Variants in ADAMTS20 observed in about 807,000 individuals in gnomAD.
ADAMTS20 encodes A disintegrin and metalloproteinase with thrombospondin motifs 20.
Under a neutral mutation model 260.1 loss-of-function variants are expected in ADAMTS20, and 225 were observed. The ratio of observed to expected loss-of-function variants is 0.87; its 90% CI spans 0.78 to 0.97. ADAMTS20 has a LOEUF of 0.97. ADAMTS20 is among the 50% of genes least tolerant of loss of function. ADAMTS20 has a pLI of 0.00. For synonymous variants in ADAMTS20, 802 were observed against 769.5 expected (o/e 1.04, Z -0.70); for missense variants, 2,400 against 2,337.7 (o/e 1.03, Z -0.55).
At chr12:43,359,778 GTTTTTGAC>G (rs2137183149) in intron 37 of ADAMTS20, among the ~76,000 whole-genome samples, 1 of 152,302 alleles carries the variant, frequency 6.6e-6, no homozygotes, top group South Asian at 2.1e-4. Flanking sequence ...CTGTCTATAT[GTTTTTGAC>G]TCAGACAAAA....
At chr12:43,501,481 G>GCGCGCGCGCGCACACACACA (rs373746834) in intron 4 of ADAMTS20, among the ~76,000 whole-genome samples, 1 of 117,810 alleles carries the variant, frequency 8.5e-6, no homozygotes, top group South Asian at 3.1e-4. Context: ...GCGCGCGCGC[G>GCGCGCGCGCGCACACACACA]CACACACACA....
chr12:43,404,416 G>T (rs753783499), intron 28 of ADAMTS20, among the ~76,000 whole-genome samples: 1 of 151,986 alleles, frequency 6.6e-6, no homozygotes, highest in Non-Finnish European at 1.5e-5. Flanking sequence ...CATTTCCAAC[G>T]TAATAGATAT....
chr12:43,533,272 T>C (rs1379616528), intron 2 of ADAMTS20, among the ~76,000 whole-genome samples: 18 of 148,478 alleles, frequency 1.2e-4, no homozygotes, highest in Non-Finnish European at 2.5e-4. Context: ...TGATATCTCA[T>C]AGTGGTTTTG....
chr12:43,361,370 G>C (rs1015586260), intron 37 of ADAMTS20, among the ~76,000 whole-genome samples: 1 of 152,212 alleles, frequency 6.6e-6, no homozygotes, highest in African/African-American at 2.4e-5. Flanking sequence ...GCCTCAAGGA[G>C]ACAAATACAG....
intron 11 of ADAMTS20, among the ~76,000 whole-genome samples, 188 bp from the exon 12 acceptor site, chr12:43,454,240 A>C (rs1941924549): frequency 1.3e-5 from 2 of 152,216 alleles, no homozygotes; most frequent in Admixed American, 1.3e-4. Flanking sequence ...TGTGGAATAG[A>C]AAAGGAGTGT....
chr12:43,478,803 GA>G (rs570803077), intron 7 of ADAMTS20, among the ~76,000 whole-genome samples: 314 of 152,240 alleles, frequency 2.1e-3, no homozygotes, highest in Non-Finnish European at 3.8e-3. Flanking sequence ...GTTAAATCAG[GA>G]AAAAACTGAA....
intron 28 of ADAMTS20, among the ~76,000 whole-genome samples, chr12:43,425,039 A>G (rs1209737077): frequency 6.6e-6 from 1 of 152,218 alleles, no homozygotes; most frequent in Non-Finnish European, 1.5e-5. Context: ...GAATAAGAAT[A>G]TTATCATACC....
intron 23 of ADAMTS20, 71 bp from the exon 24 acceptor site, chr12:43,429,795 C>T (rs2137303925): frequency 1.0e-6 from 1 of 996,046 alleles, no homozygotes; most frequent in Non-Finnish European, 1.5e-6. Flanking sequence ...TAATACTTCA[C>T]TTCTTCTGTA....
chr12:43,468,564 A>G, intron 8 of ADAMTS20, 36 bp downstream of exon 8: 1 of 1,243,588 alleles, frequency 8.0e-7, no homozygotes, highest in South Asian at 1.3e-5. Context: ...AAAGATAAAT[A>G]GAATGCACAT....
chr12:43,421,290 A>C (rs1238399199), intron 28 of ADAMTS20, among the ~76,000 whole-genome samples: 3 of 150,794 alleles, frequency 2.0e-5, no homozygotes, highest in Non-Finnish European at 4.4e-5. Context: ...TACAAAAAAA[A>C]AAAAAAAACT....
At chr12:43,371,854 A>G (rs1295409660) in intron 36 of ADAMTS20, among the ~76,000 whole-genome samples, 2 of 152,226 alleles carry the variant, frequency 1.3e-5, no homozygotes, top group African/African-American at 2.4e-5. Context: ...ATGCACATTG[A>G]AAATTCACCT....
Position 43,501,465 on chromosome 12 carries a change from G to GCACACACA in ADAMTS20, c.867+686_867+687insTGTGTGTG, listed in dbSNP as rs1565573883. 9.2e-4 allele frequency among the ~76,000 whole-genome samples: 32 copies of GCACACACA among 34,900 alleles called. No individual in the cohort carries two copies. The East Asian group carries it at 0.028, about 31-fold the overall frequency. 22.9% of individuals were successfully genotyped at this position (34,900 alleles called of 152,430 possible). On this transcript the variant is annotated intron_variant, in intron 4 of 38. Transcript: ENST00000389420. ...CCCAGGGTGGTGGAGGGGGATACGC[G>GCACACACA]CGCGCGCGCGCGCGCGCACACACAC...
In ADAMTS20 at chr12:43,430,979, C is replaced by T. The variant is rs114177558; in HGVS notation, c.3261+353G>A. On this transcript the variant is annotated intron_variant, in intron 22 of 38. Coordinates refer to ENST00000389420, the MANE Select transcript of ADAMTS20 (RefSeq NM_025003.5). ...TGCTCATCCTGCAGACTCCTAGCTGCCTGTTCAGCAAAACGTCTAAACGAT... is the reference window on the plus strand; with the variant it reads ...TGCTCATCCTGCAGACTCCTAGCTGTCTGTTCAGCAAAACGTCTAAACGAT... Among the ~76,000 whole-genome samples, 505 of 152,284 alleles carry T rather than the reference C, an allele frequency of 3.3e-3. 5 individuals carry two copies. The highest frequency in any genetic ancestry group is 8.4e-3 in the African/African-American group (348 of 41,584).
chr12:43,504,336 G>T (rs1190481215), intron 3 of ADAMTS20, among the ~76,000 whole-genome samples: 1 of 152,162 alleles, frequency 6.6e-6, no homozygotes, highest in Non-Finnish European at 1.5e-5. Context: ...TTCTTCATAT[G>T]TTTGTTGGCT....
intron 3 of ADAMTS20, among the ~76,000 whole-genome samples, chr12:43,509,742 A>C (rs1017552694): frequency 6.6e-6 from 1 of 152,092 alleles, no homozygotes; most frequent in South Asian, 2.1e-4. Flanking sequence ...TTGGGTTGTT[A>C]TCCAGGTCTT....
At chr12:43,496,764 A>C (rs941334724) in intron 4 of ADAMTS20, among the ~76,000 whole-genome samples, 1 of 152,216 alleles carries the variant, frequency 6.6e-6, no homozygotes, top group Non-Finnish European at 1.5e-5. Context: ...TTTAAAGAAC[A>C]AAATCATTCC....
chr12:43,406,203 T>C (rs1325970118), intron 28 of ADAMTS20, among the ~76,000 whole-genome samples: 1 of 152,178 alleles, frequency 6.6e-6, no homozygotes, highest in Non-Finnish European at 1.5e-5. Context: ...TTGGAGTGTC[T>C]CTCTTGGAAC....
intron 19 of ADAMTS20, 144 bp downstream of exon 19, chr12:43,434,101 A>G: frequency 2.3e-6 from 2 of 879,606 alleles, no homozygotes; most frequent in East Asian, 5.4e-5. Flanking sequence ...GTTTTACCAT[A>G]AAATAGTGAG....
intron 36 of ADAMTS20, among the ~76,000 whole-genome samples, chr12:43,370,485 C>G (rs7955597): frequency 0.22 from 34,218 of 152,108 alleles, 4,611 homozygotes; most frequent in African/African-American, 0.37. Context: ...TGGGGCAGAG[C>G]AGAGACACAA....
Sources: gnomAD v4.1 joint callset for allele counts (sites outside exome capture counted in the v4.1 genomes callset) on GRCh38, gnomAD v4.1.1 for gene constraint, MANE v1.5 for transcripts, NCBI Gene and HGNC (gene_info 2026-07-23, HGNC 2026-07-21) for gene names.